Variants in CCDC171 observed in about 807,000 individuals in gnomAD.
CCDC171 encodes the protein coiled-coil domain containing 171, also known as coiled-coil domain-containing protein 171.
CCDC171 carries 177 observed loss-of-function variants against 168.2 expected under a neutral mutation model. The ratio of observed to expected loss-of-function variants is 1.05; its 90% CI spans 0.93 to 1.19. CCDC171 has a LOEUF of 1.19. Ranked by LOEUF, CCDC171 falls within the 50% of genes most tolerant of loss-of-function variation. The pLI is 0.00. For synonymous variants in CCDC171, 687 were observed against 540.8 expected (o/e 1.27, Z -3.75); for missense variants, 1,991 against 1,539.0 (o/e 1.29, Z -4.91).
In CCDC171 at chr9:15,915,218, A is replaced by G. The variant is rs373755952; in HGVS notation, c.3601-5052A>G. ...TTGGATCTATAGATTGCTTTGGGCA[A>G]TATGGTCATTTTAACGATATTAATC... On this transcript the variant is annotated intron_variant, in intron 24 of 25. Coordinates refer to ENST00000380701, the MANE Select transcript of CCDC171 (RefSeq NM_173550.4). Among the ~76,000 whole-genome samples, 4 of 152,282 alleles carry G rather than the reference A, an allele frequency of 2.6e-5. No individual in the cohort carries two copies. The East Asian group carries it at 7.7e-4, about 29-fold the overall frequency.
In CCDC171 at chr9:15,920,399, C is replaced by T. The variant is rs200767961; in HGVS notation, c.3730C>T (p.Arg1244Cys). 4.9e-5 allele frequency: 78 copies of T among 1,606,112 alleles called. No individual in the cohort carries two copies. Among genetic ancestry groups the T allele is most frequent in the Non-Finnish European group, 3.1e-5 (36 of 1,175,302 alleles). Residue 1244 changes from arginine (R) to cysteine (C), a missense_variant, in exon 25 of 26, where the codon CGT becomes TGT. Coordinates refer to ENST00000380701, the MANE Select transcript of CCDC171 (RefSeq NM_173550.4). ...ATCAGAACTTCACACAGCTTGTTTA[C>T]GTGAAAATGCAAGTTTACAATCAGT... Reference protein sequence around the residue: ...LKSELHTACLRENASLQSIGS... With the variant: ...LKSELHTACLCENASLQSIGS...
rs1465232329 is a variant in CCDC171, at chr9:15,567,485, G to C, written c.41+3356G>C. Among the ~76,000 whole-genome samples, 3 of 152,228 alleles carry C rather than the reference G, an allele frequency of 2.0e-5. No homozygotes were observed. In the East Asian group the frequency reaches 5.8e-4, roughly 29 times the overall value. On this transcript the variant is annotated intron_variant, in intron 2 of 25. Coordinates refer to ENST00000380701, the MANE Select transcript of CCDC171 (RefSeq NM_173550.4). ...TCAGTTTCTGCAAAAATGTCTGTTG[G>C]GGTTTTAATAGGGATTATATTGAAT...
intron 25 of CCDC171, among the ~76,000 whole-genome samples, chr9:15,941,457 T>TA (rs959549682): frequency 6.4e-4 from 97 of 151,670 alleles, no homozygotes; most frequent in Non-Finnish European, 2.9e-4. Context: ...TAGGAAACCT[T>TA]AAAAAAAACA....
At chr9:15,988,449 C>G (rs1189629529) in intron 3 of CCDC171, among the ~76,000 whole-genome samples, 1 of 152,152 alleles carries the variant, frequency 6.6e-6, no homozygotes, top group East Asian at 1.9e-4. Context: ...AAAGGCAGTT[C>G]CAAGATGGCC....
At chr9:15,624,777 G>T (rs1382736773) in intron 7 of CCDC171, among the ~76,000 whole-genome samples, 1 of 152,144 alleles carries the variant, frequency 6.6e-6, no homozygotes, top group Non-Finnish European at 1.5e-5. Context: ...AAACATACGT[G>T]TGCATGTGTC....
At chr9:16,055,544 C>G (rs1347503439) in intron 1 of CCDC171, among the ~76,000 whole-genome samples, 1 of 152,202 alleles carries the variant, frequency 6.6e-6, no homozygotes, top group Non-Finnish European at 1.5e-5. Flanking sequence ...GCCCCCTCAG[C>G]AACGCCGCTG....
rs1344631074 is a variant in CCDC171 at position 15,724,835 on chromosome 9, T to C, written c.1551T>C (p.Cys517=). 1 of 1,613,846 alleles carries C rather than the reference T, an allele frequency of 6.2e-7. No individual in the cohort carries two copies. Among genetic ancestry groups the C allele is most frequent in the Non-Finnish European group, 8.5e-7 (1 of 1,179,790 alleles). The change falls in exon 14 of 26, where the codon TGT becomes TGC. Residue 517 remains cysteine, a synonymous_variant. Coordinates refer to ENST00000380701, the MANE Select transcript of CCDC171 (RefSeq NM_173550.4). ...NKELSHLHTK[C]ADREALISTL... is the part of the protein sequence containing the mutation. Reference sequence around the variant, plus strand: ...AGTTAAGTCATTTACACACTAAATGTGCAGACCGAGAGGCTTTAATAAGCA... The same window carrying C: ...AGTTAAGTCATTTACACACTAAATGCGCAGACCGAGAGGCTTTAATAAGCA...
At chr9:15,961,257 A>G (rs1049563722) in intron 25 of CCDC171, among the ~76,000 whole-genome samples, 2 of 152,164 alleles carry the variant, frequency 1.3e-5, no homozygotes, top group Admixed American at 1.3e-4. Context: ...GATTATTACT[A>G]AATTTTTGAC....
downstream of CCDC171, among the ~76,000 whole-genome samples, chr9:16,065,809 G>GGGGTGTGT (rs1554717490): frequency 2.8e-5 from 4 of 144,234 alleles, no homozygotes; most frequent in African/African-American, 1.0e-4. Context: ...TTGTGTGCAT[G>GGGGTGTGT]GTGTGTGTGT....
chr9:15,771,289 A>G (rs2056999124), intron 18 of CCDC171, among the ~76,000 whole-genome samples: 1 of 152,220 alleles, frequency 6.6e-6, no homozygotes, highest in Admixed American at 6.5e-5. Context: ...AGTATTCTTT[A>G]CATTGTTCTT....
chr9:15,559,647 C>T (rs1328481502), intron 1 of CCDC171, among the ~76,000 whole-genome samples: 2 of 152,154 alleles, frequency 1.3e-5, no homozygotes, highest in Admixed American at 1.3e-4. Context: ...AGATAGGTCT[C>T]CTCAGTACAG....
intron 1 of CCDC171, among the ~76,000 whole-genome samples, chr9:15,559,809 C>G (rs776658398): frequency 6.6e-6 from 1 of 152,090 alleles, no homozygotes; most frequent in Non-Finnish European, 1.5e-5. Context: ...TTAGTTGATG[C>G]AGTTTTTTTC....
intron 3 of CCDC171, among the ~76,000 whole-genome samples, chr9:15,993,179 A>G (rs1271534064): frequency 6.6e-6 from 1 of 151,790 alleles, no homozygotes; most frequent in Non-Finnish European, 1.5e-5. Context: ...GCATCATGCT[A>G]CCTGACTTCA....
chr9:15,700,308 G>C (rs886153870), intron 11 of CCDC171, among the ~76,000 whole-genome samples: 1 of 152,256 alleles, frequency 6.6e-6, no homozygotes, highest in Non-Finnish European at 1.5e-5. Flanking sequence ...ATTGCCCGGG[G>C]CTGGCAGGGC....
intron 25 of CCDC171, among the ~76,000 whole-genome samples, chr9:15,927,009 C>T (rs151040693): frequency 7.3e-5 from 11 of 151,666 alleles, no homozygotes; most frequent in Non-Finnish European, 1.3e-4. Flanking sequence ...TCCTATCCAG[C>T]CATTTCACCA....
At chr9:15,561,014 A>G (rs1003733081) in intron 1 of CCDC171, among the ~76,000 whole-genome samples, 1 of 152,146 alleles carries the variant, frequency 6.6e-6, no homozygotes, top group Non-Finnish European at 1.5e-5. Flanking sequence ...TTGCCTGGAT[A>G]TCACTAGCGG....
At chr9:15,750,160 A>T (rs2055622052) in intron 18 of CCDC171, among the ~76,000 whole-genome samples, 1 of 152,318 alleles carries the variant, frequency 6.6e-6, no homozygotes, top group Non-Finnish European at 1.5e-5. Context: ...CCATACAAAT[A>T]CAGACTACCA....
intron 23 of CCDC171, among the ~76,000 whole-genome samples, chr9:15,864,424 A>G (rs1208550712): frequency 6.6e-6 from 1 of 151,958 alleles, no homozygotes; most frequent in African/African-American, 2.4e-5. Flanking sequence ...CTTGTCATTT[A>G]CATTAGGTAT....
chr9:15,862,874 A>G (rs1588900886), intron 23 of CCDC171, among the ~76,000 whole-genome samples: 1 of 152,020 alleles, frequency 6.6e-6, no homozygotes, highest in Admixed American at 6.6e-5. Context: ...AGATAGAAAT[A>G]TCACCCTCTG....
Sources: gnomAD v4.1 joint callset for allele counts (sites outside exome capture counted in the v4.1 genomes callset) on GRCh38, gnomAD v4.1.1 for gene constraint, MANE v1.5 for transcripts, NCBI Gene and HGNC (gene_info 2026-07-23, HGNC 2026-07-21) for gene names.